Variants in KANK1 observed in about 807,000 individuals in gnomAD.
The protein encoded by KANK1 is KN motif and ankyrin repeat domain-containing protein 1.
In KANK1, 109 loss-of-function variants were observed where a neutral mutation model predicts 106.2. The observed-to-expected ratio is 1.03, with a 90% confidence interval of 0.88 to 1.20. The LOEUF (loss-of-function observed/expected upper bound fraction) is 1.20, where lower values mean the gene tolerates loss of function less well. Ranked by LOEUF, KANK1 falls within the 50% of genes most tolerant of loss-of-function variation. The pLI is 0.00. For synonymous variants in KANK1, 873 were observed against 652.2 expected (o/e 1.34, Z -5.16); for missense variants, 2,399 against 1,710.7 (o/e 1.40, Z -7.10).
At chr9:508,030 C>T (rs1229462040) in intron 1 of KANK1, among the ~76,000 whole-genome samples, 1 of 150,548 alleles carries the variant, frequency 6.6e-6, no homozygotes, top group African/African-American at 2.4e-5. Flanking sequence ...CCATGTTGGC[C>T]AGGCTGGTCT....
In KANK1 at chr9:732,556, A is replaced by G. The variant is rs761528130; in HGVS notation, c.3184A>G (p.Arg1062Gly). 2 of 1,614,208 alleles carry G rather than the reference A, an allele frequency of 1.2e-6. No individual in the cohort carries two copies. The highest frequency in any genetic ancestry group is 2.2e-5 in the South Asian group (2 of 91,086). The change falls in exon 6 of 12, where the codon AGG (arginine) becomes GGG (glycine). Residue 1062 changes from arginine to glycine, a missense_variant. Transcript: ENST00000382297. ...AVNIEGLKSA[R>G]VEDEMQVQEC... Reference sequence around the variant, plus strand: ...TAATATTGAAGGTTTGAAGTCTGCCAGGGTGGAAGATGAAATGCAGGTTCA... The same window carrying G: ...TAATATTGAAGGTTTGAAGTCTGCCGGGGTGGAAGATGAAATGCAGGTTCA...
chr9:738,799 C>T (rs748283890), intron 8 of KANK1, among the ~76,000 whole-genome samples: 1 of 152,224 alleles, frequency 6.6e-6, no homozygotes. Flanking sequence ...AGAAGCATGT[C>T]TCACGTTCCC....
At chr9:622,367 A>G (rs1267503681) in intron 1 of KANK1, among the ~76,000 whole-genome samples, 1 of 152,166 alleles carries the variant, frequency 6.6e-6, no homozygotes, top group South Asian at 2.1e-4. Context: ...ACTGCCCTGG[A>G]AAGAAGCTTA....
intron 2 of KANK1, among the ~76,000 whole-genome samples, chr9:705,313 C>G (rs1482883192): frequency 6.6e-6 from 1 of 151,990 alleles, no homozygotes; most frequent in Admixed American, 6.6e-5. Context: ...TAGTGAAACC[C>G]CATCTCTACT....
At chr9:517,456 C>G (rs1481757854) in intron 1 of KANK1, among the ~76,000 whole-genome samples, 1 of 142,516 alleles carries the variant, frequency 7.0e-6, no homozygotes, top group Non-Finnish European at 1.5e-5. Flanking sequence ...TAATAAAGAA[C>G]ACTGTTTCTT....
chr9:702,238 G>T (rs1487936879), intron 2 of KANK1, among the ~76,000 whole-genome samples: 1 of 151,544 alleles, frequency 6.6e-6, no homozygotes, highest in Non-Finnish European at 1.5e-5. Context: ...GCTCAGAGAT[G>T]ATGCCAACCT....
chr9:532,319 G>A (rs1587568800), intron 1 of KANK1, among the ~76,000 whole-genome samples: 2 of 129,006 alleles, frequency 1.6e-5, no homozygotes, highest in African/African-American at 5.9e-5. Flanking sequence ...TCGGCTCACC[G>A]CAACCTCTGT....
At chr9:718,621 TTAGA>T in intron 3 of KANK1, among the ~76,000 whole-genome samples, 1 of 152,116 alleles carries the variant, frequency 6.6e-6, no homozygotes, top group Admixed American at 6.5e-5. Flanking sequence ...CTGTATCATT[TTAGA>T]AAGGGAGATT....
rs1249500362 is a variant in KANK1 at position 544,543 on chromosome 9, C to T, written c.-84+39789C>T. ...ACACTATGTGGAGGAATAAGTGAGG[C>T]CAAAGCTGATGGATGATGCAAAGTG... On this transcript the variant is annotated intron_variant, in intron 1 of 11. Coordinates refer to ENST00000382297, the MANE Select transcript of KANK1 (RefSeq NM_015158.5). Among the ~76,000 whole-genome samples the T allele has an allele frequency of 2.0e-5, 3 of 152,286 alleles. No individual in the cohort carries two copies. The East Asian group carries it at 5.8e-4, about 29-fold the overall frequency.
At chr9:495,429 A>G (rs1256424507) in intron 3 of KANK1, 1 of 152,178 alleles carries the variant, frequency 6.6e-6, no homozygotes. Flanking sequence ...CGTGCCTCCA[A>G]CTTAGTTTCT....
intron 1 of KANK1, among the ~76,000 whole-genome samples, chr9:607,283 C>G (rs1169689108): frequency 1.3e-5 from 2 of 151,516 alleles, no homozygotes; most frequent in African/African-American, 4.9e-5. Flanking sequence ...GTCAGAAGTT[C>G]AAGACCAGCC....
At position 745,281 on chromosome 9, in the gene KANK1, A is replaced by G. The variant is rs1277673469; in HGVS notation, c.*46A>G. On this transcript the variant is annotated 3_prime_UTR_variant, in exon 12 of 12. Transcript: ENST00000382297. ...ATTTACATGCCACTATTAAGCTGCTAATTGTTCCTGTTGGGGTGACAGATA... is the reference window on the plus strand; with the variant it reads ...ATTTACATGCCACTATTAAGCTGCTGATTGTTCCTGTTGGGGTGACAGATA... The G allele has an allele frequency of 6.8e-6, 11 of 1,611,234 alleles. No homozygotes were observed. Among genetic ancestry groups the G allele is most frequent in the African/African-American group, 6.7e-5 (5 of 74,846 alleles).
chr9:574,888 CTTTT>C (rs1022901808), intron 1 of KANK1, among the ~76,000 whole-genome samples: 1 of 148,910 alleles, frequency 6.7e-6, no homozygotes. Flanking sequence ...AATATTTTTT[CTTTT>C]TTTAAGTGTA....
intron 1 of KANK1, among the ~76,000 whole-genome samples, chr9:652,015 C>T (rs976156158): frequency 6.6e-6 from 1 of 152,066 alleles, no homozygotes. Context: ...GTTTCATTAG[C>T]CCTGCTATAA....
intron 6 of KANK1, chr9:734,275 A>T (rs1330094224): frequency 6.1e-6 from 1 of 162,966 alleles, no homozygotes; most frequent in Non-Finnish European, 1.4e-5. Flanking sequence ...CGTAACCCTT[A>T]GACCCCTAAG....
intron 1 of KANK1, among the ~76,000 whole-genome samples, chr9:534,891 A>T (rs968594934): frequency 3.3e-5 from 5 of 152,186 alleles, no homozygotes; most frequent in Non-Finnish European, 7.3e-5. Context: ...TTTTAATTTG[A>T]GTTGTGTATT....
chr9:744,676 G>A (rs749781635), intron 11 of KANK1, 87 bp downstream of exon 11: 1 of 1,609,412 alleles, frequency 6.2e-7, no homozygotes, highest in African/African-American at 1.3e-5. Flanking sequence ...ACGGGAGACA[G>A]ATTTTATGTT....
intron 1 of KANK1, among the ~76,000 whole-genome samples, chr9:505,561 A>G (rs1364196282): frequency 6.6e-6 from 1 of 150,954 alleles, no homozygotes; most frequent in Non-Finnish European, 1.5e-5. Context: ...CATCTCCTTC[A>G]CCCGGGTCCC....
intron 2 of KANK1, among the ~76,000 whole-genome samples, chr9:689,475 C>A (rs1043229222): frequency 1.3e-5 from 2 of 152,130 alleles, no homozygotes; most frequent in Admixed American, 6.5e-5. Context: ...GTCTTCTGAG[C>A]GGATCCTGCT....
Sources: gnomAD v4.1 joint callset for allele counts (sites outside exome capture counted in the v4.1 genomes callset) on GRCh38, gnomAD v4.1.1 for gene constraint, MANE v1.5 for transcripts, NCBI Gene and HGNC (gene_info 2026-07-23, HGNC 2026-07-21) for gene names.